SLC36A1: variants seen among roughly 807,000 people sequenced by gnomAD.
The protein encoded by SLC36A1 is solute carrier family 36 member 1, also known as proton-coupled amino acid transporter 1.
Under a neutral mutation model 47.5 loss-of-function variants are expected in SLC36A1, and 30 were observed. The ratio of observed to expected loss-of-function variants is 0.63; its 90% CI spans 0.47 to 0.86. The LOEUF is 0.86. Among genes scored for constraint, SLC36A1 ranks in the 40% least tolerant of loss-of-function variants. SLC36A1 has a pLI of 0.00. For missense variants in SLC36A1, 517 were observed against 606.0 expected, an observed-to-expected ratio of 0.85 and a Z score of 1.54; for synonymous variants, 255 against 249.7, an observed-to-expected ratio of 1.02 and a Z score of -0.20.
the SLC36A1 span, among the ~76,000 whole-genome samples, chr5:151,514,086 A>C: frequency 6.6e-6 from 1 of 152,190 alleles, no homozygotes; most frequent in Non-Finnish European, 1.5e-5. Flanking sequence ...GATCTAACCC[A>C]GTGTTTCTTA....
At chr5:151,533,282 G>A in the SLC36A1 span, among the ~76,000 whole-genome samples, 562 of 152,190 alleles carry the variant, frequency 3.7e-3, 4 homozygotes, top group African/African-American at 0.013. Context: ...AGATGGAGAC[G>A]TAAATAAGAT....
chr5:151,429,091 C>G, the SLC36A1 span, among the ~76,000 whole-genome samples: 1 of 152,186 alleles, frequency 6.6e-6, no homozygotes, highest in African/African-American at 2.4e-5. Flanking sequence ...GGTATAAGTG[C>G]TAGTTGCATG....
At chr5:151,529,928 G>A in the SLC36A1 span, among the ~76,000 whole-genome samples, 5 of 152,226 alleles carry the variant, frequency 3.3e-5, no homozygotes, top group South Asian at 2.1e-4. Flanking sequence ...TGCCTTTCCC[G>A]GCTAACCAAA....
chr5:151,470,493 T>C (rs962573504), intron 7 of SLC36A1, among the ~76,000 whole-genome samples: 6 of 152,240 alleles, frequency 3.9e-5, no homozygotes, highest in African/African-American at 1.4e-4. Flanking sequence ...AGAGCAATTC[T>C]GAGTCTTCCT....
the SLC36A1 span, chr5:151,521,828 C>T: frequency 1.2e-5 from 19 of 1,614,018 alleles, 1 homozygote; most frequent in South Asian, 1.2e-4. Context: ...CCCTGGGCGG[C>T]GATAATCTTG....
chr5:151,494,001 C>T (rs1269136142), downstream of SLC36A1, among the ~76,000 whole-genome samples: 2 of 152,192 alleles, frequency 1.3e-5, no homozygotes, highest in African/African-American at 4.8e-5. Context: ...GTGGAGGCCA[C>T]TCAATCCTCT....
At chr5:151,456,772 G>T (rs1254522414) in intron 1 of SLC36A1, among the ~76,000 whole-genome samples, 1 of 152,158 alleles carries the variant, frequency 6.6e-6, no homozygotes, top group African/African-American at 2.4e-5. Context: ...TTCCTACATT[G>T]CAATTGTTGA....
chr5:151,432,711 A>G (rs1373626867), upstream of SLC36A1, among the ~76,000 whole-genome samples: 1 of 152,190 alleles, frequency 6.6e-6, no homozygotes, highest in Non-Finnish European at 1.5e-5. Flanking sequence ...CTGGTTGGGC[A>G]GAAAGGGAGG....
intron 7 of SLC36A1, among the ~76,000 whole-genome samples, chr5:151,471,924 A>G (rs1757361932): frequency 6.6e-6 from 1 of 152,206 alleles, no homozygotes; most frequent in Non-Finnish European, 1.5e-5. Flanking sequence ...TAATTGAAGC[A>G]ACATACACAT....
the SLC36A1 span, chr5:151,511,755 CAA>C: frequency 5.6e-6 from 1 of 179,832 alleles, no homozygotes; most frequent in African/African-American, 2.4e-5. Context: ...ATATGAAAAA[CAA>C]CATGTATTTT....
chr5:151,362,281 T>C, the SLC36A1 span, among the ~76,000 whole-genome samples: 21,371 of 152,054 alleles, frequency 0.14, 4,207 homozygotes, highest in African/African-American at 0.44. Context: ...TGTTTTCAAA[T>C]AGCCTGTCTC....
the SLC36A1 span, chr5:151,532,101 TGAA>T: frequency 8.3e-7 from 1 of 1,207,920 alleles, no homozygotes. Flanking sequence ...CTTGGGTATA[TGAA>T]GAGTGAGGGT....
chr5:151,426,780 G>A, the SLC36A1 span, among the ~76,000 whole-genome samples: 2 of 152,214 alleles, frequency 1.3e-5, no homozygotes, highest in Admixed American at 1.3e-4. Flanking sequence ...ATCTCAGGCT[G>A]TCTCAGTGGG....
the SLC36A1 span, among the ~76,000 whole-genome samples, chr5:151,398,309 G>A: frequency 0.012 from 1,769 of 152,266 alleles, 12 homozygotes; most frequent in Non-Finnish European, 0.017. Context: ...GTCTTTGCAG[G>A]AGTTCTGTTT....
chr5:151,533,527 G>A, the SLC36A1 span, among the ~76,000 whole-genome samples: 4 of 151,444 alleles, frequency 2.6e-5, no homozygotes, highest in African/African-American at 7.3e-5. Context: ...CTCCTTCAAT[G>A]CCAAGCTAAA....
the SLC36A1 span, among the ~76,000 whole-genome samples, chr5:151,546,565 G>T: frequency 2.6e-5 from 4 of 152,044 alleles, no homozygotes; most frequent in Non-Finnish European, 4.4e-5. Context: ...AAGTTTCTGG[G>T]ACACAACTTA....
At chr5:151,385,654 C>T in the SLC36A1 span, among the ~76,000 whole-genome samples, 1 of 151,978 alleles carries the variant, frequency 6.6e-6, no homozygotes, top group African/African-American at 2.4e-5. Flanking sequence ...CTTTCACAGC[C>T]CCTTTTGCCA....
chr5:151,553,181 G>C, the SLC36A1 span: 4 of 1,614,210 alleles, frequency 2.5e-6, no homozygotes, highest in Non-Finnish European at 3.4e-6. Context: ...CCTCACCTGA[G>C]ATGTTGAACC....
intron 1 of SLC36A1, among the ~76,000 whole-genome samples, chr5:151,453,489 G>C: frequency 6.6e-6 from 1 of 151,778 alleles, no homozygotes; most frequent in African/African-American, 2.4e-5. Context: ...AGTGGTTACT[G>C]TACTGGATGG....
Sources: gnomAD v4.1 joint callset for allele counts (sites outside exome capture counted in the v4.1 genomes callset) on GRCh38, gnomAD v4.1.1 for gene constraint, MANE v1.5 for transcripts, NCBI Gene and HGNC (gene_info 2026-07-23, HGNC 2026-07-21) for gene names.